SLC17A1: variants seen among roughly 807,000 people sequenced by gnomAD.
SLC17A1 encodes the protein sodium-dependent phosphate transport protein 1.
Under a neutral mutation model 53.5 loss-of-function variants are expected in SLC17A1, and 51 were observed. The observed-to-expected ratio is 0.95, with a 90% CI of 0.76 to 1.20. The LOEUF (loss-of-function observed/expected upper bound fraction) is 1.20, where lower values mean the gene tolerates loss of function less well. Ranked by LOEUF, SLC17A1 falls within the 50% of genes most tolerant of loss-of-function variation. The pLI is 0.00. For missense variants in SLC17A1, 538 were observed against 568.2 expected (o/e 0.95, Z 0.54); for synonymous variants, 179 against 198.8 (o/e 0.90, Z 0.84).
At chr6:25,729,737 T>C in the SLC17A1 span, among the ~76,000 whole-genome samples, 10 of 142,554 alleles carry the variant, frequency 7.0e-5, no homozygotes, top group African/African-American at 2.6e-4. Context: ...CTGCTTTCCG[T>C]GCATTTTTTT....
At chr6:25,781,023 T>A (rs1763254702), downstream of SLC17A1, 1 of 152,114 alleles carries the variant, frequency 6.6e-6, no homozygotes, top group Admixed American at 6.6e-5. Context: ...CTGGGCTCCA[T>A]TTACAAACGT....
chr6:25,803,778 C>T (rs1050519192), intron 10 of SLC17A1, among the ~76,000 whole-genome samples: 3 of 151,968 alleles, frequency 2.0e-5, no homozygotes, highest in Non-Finnish European at 4.4e-5. Flanking sequence ...AATTATGGAG[C>T]AGCTAACCCT....
intron 1 of SLC17A1, among the ~76,000 whole-genome samples, chr6:25,831,408 T>C (rs1223867851): frequency 6.6e-6 from 1 of 152,176 alleles, no homozygotes; most frequent in Non-Finnish European, 1.5e-5. Flanking sequence ...CAACCATCAT[T>C]ATCACACATT....
intron 3 of SLC17A1, among the ~76,000 whole-genome samples, 171 bp from the exon 4 acceptor site, chr6:25,820,086 C>A (rs1409413893): frequency 6.6e-6 from 1 of 152,130 alleles, no homozygotes; most frequent in Non-Finnish European, 1.5e-5. Flanking sequence ...ATTTTCTGTA[C>A]ATATTTACAT....
At chr6:25,742,668 G>A in the SLC17A1 span, among the ~76,000 whole-genome samples, 1 of 152,082 alleles carries the variant, frequency 6.6e-6, no homozygotes, top group African/African-American at 2.4e-5. Flanking sequence ...GTCGGGTGTG[G>A]TGGCACACAC....
At chr6:25,805,835 G>A (rs1290518485) in intron 10 of SLC17A1, among the ~76,000 whole-genome samples, 2 of 151,934 alleles carry the variant, frequency 1.3e-5, no homozygotes, top group Non-Finnish European at 2.9e-5. Context: ...TAGAAACCCT[G>A]AACAGAGTAA....
chr6:25,765,102 T>A, the SLC17A1 span, among the ~76,000 whole-genome samples: 1 of 152,234 alleles, frequency 6.6e-6, no homozygotes, highest in Non-Finnish European at 1.5e-5. Flanking sequence ...CACACACAAC[T>A]GGCTTTTATG....
At chr6:25,726,041 G>T in the SLC17A1 span, 3 of 1,210,304 alleles carry the variant, frequency 2.5e-6, no homozygotes, top group Non-Finnish European at 1.2e-6. Context: ...GTTTTGTAAC[G>T]TACAGCCTTT....
At chr6:25,792,514 A>G (rs2151476554) in intron 12 of SLC17A1, among the ~76,000 whole-genome samples, 2 of 152,312 alleles carry the variant, frequency 1.3e-5, no homozygotes, top group Middle Eastern at 3.4e-3. Flanking sequence ...ACTGTCTGCA[A>G]AAGACCCCCA....
At chr6:25,774,460 G>C in the SLC17A1 span, among the ~76,000 whole-genome samples, 1 of 152,190 alleles carries the variant, frequency 6.6e-6, no homozygotes, top group African/African-American at 2.4e-5. Flanking sequence ...CCAACAGAGA[G>C]CTGACCTTCT....
At chr6:25,809,656 T>A (rs1396364973) in intron 10 of SLC17A1, among the ~76,000 whole-genome samples, 1 of 151,726 alleles carries the variant, frequency 6.6e-6, no homozygotes, top group Non-Finnish European at 1.5e-5. Context: ...TGCTTATGGA[T>A]AGGAAGAATT....
the SLC17A1 span, chr6:25,770,394 T>C: frequency 3.7e-6 from 6 of 1,614,084 alleles, no homozygotes; most frequent in Non-Finnish European, 8.5e-7. Flanking sequence ...GTTATGGTAT[T>C]AACTGGTCAG....
downstream of SLC17A1, chr6:25,780,766 A>G (rs1763249551): frequency 6.6e-6 from 1 of 152,200 alleles, no homozygotes; most frequent in Admixed American, 6.6e-5. Flanking sequence ...GCATGAGGCA[A>G]TAGACATGGT....
At chr6:25,787,317 T>A (rs1374484737) in intron 12 of SLC17A1, among the ~76,000 whole-genome samples, 23 of 147,558 alleles carry the variant, frequency 1.6e-4, no homozygotes, top group African/African-American at 5.7e-4. Context: ...CTAAACCCCA[T>A]CTCTACTTTA....
chr6:25,737,434 A>G, the SLC17A1 span, among the ~76,000 whole-genome samples: 1 of 151,906 alleles, frequency 6.6e-6, no homozygotes. Context: ...CTGCTTGCCA[A>G]ACTATCTTTG....
the SLC17A1 span, among the ~76,000 whole-genome samples, chr6:25,744,924 T>C: frequency 1.3e-5 from 2 of 152,308 alleles, no homozygotes; most frequent in Middle Eastern, 3.4e-3. Context: ...CCCAAAACTA[T>C]TATCCAATTC....
At chr6:25,725,932 T>C in the SLC17A1 span, among the ~76,000 whole-genome samples, 8 of 152,186 alleles carry the variant, frequency 5.3e-5, no homozygotes, top group Non-Finnish European at 1.5e-5. Context: ...TAATGGCCGA[T>C]GGAACGCTCC....
the SLC17A1 span, among the ~76,000 whole-genome samples, chr6:25,761,034 T>A: frequency 1.3e-5 from 2 of 152,342 alleles, no homozygotes; most frequent in East Asian, 3.9e-4. Flanking sequence ...GAGCTTCATC[T>A]GCAGTAATTC....
At chr6:25,819,997 C>T (rs1355151497) in intron 3 of SLC17A1, 82 bp from the exon 4 acceptor site, 1 of 908,106 alleles carries the variant, frequency 1.1e-6, no homozygotes, top group Non-Finnish European at 1.7e-6. Flanking sequence ...GGAAACTGTT[C>T]TGGCTCACCT....
Sources: allele counts gnomAD v4.1 joint callset (sites outside exome capture counted in the v4.1 genomes callset), GRCh38; gene constraint gnomAD v4.1.1; transcripts MANE v1.5; gene names NCBI Gene and HGNC (gene_info 2026-07-23, HGNC 2026-07-21).